Variants in CNTFR observed in about 807,000 individuals in gnomAD.
CNTFR encodes the protein ciliary neurotrophic factor receptor subunit alpha.
In CNTFR, 12 loss-of-function variants were observed where a neutral mutation model predicts 40.4. That is an observed-to-expected ratio of 0.30 (90% CI 0.19 to 0.48). The LOEUF is 0.48. Ranked by LOEUF, CNTFR falls within the 20% of genes least tolerant of loss-of-function variation. The pLI is 0.99. For missense variants in CNTFR, 414 were observed against 506.8 expected (o/e 0.82, Z 1.76); for synonymous variants, 202 against 209.6 (o/e 0.96, Z 0.31).
intron 4 of CNTFR, among the ~76,000 whole-genome samples, chr9:34,562,992 C>A (rs1190052465): frequency 7.2e-5 from 11 of 152,046 alleles, no homozygotes; most frequent in African/African-American, 2.7e-4. Context: ...TCTGGGTCCT[C>A]TTCTCTCTTC....
chr9:34,580,444 C>T (rs945518107), intron 2 of CNTFR, among the ~76,000 whole-genome samples: 1 of 152,160 alleles, frequency 6.6e-6, no homozygotes. Context: ...ACAACCTGGT[C>T]CTAGTTGTGA....
intron 1 of CNTFR, among the ~76,000 whole-genome samples, chr9:34,586,408 G>T (rs1827547724): frequency 6.6e-6 from 1 of 152,178 alleles, no homozygotes; most frequent in Non-Finnish European, 1.5e-5. Context: ...TCTCCCCACA[G>T]ATCTGAGGCT....
At chr9:34,571,697 G>A (rs953179727) in intron 2 of CNTFR, among the ~76,000 whole-genome samples, 2 of 152,158 alleles carry the variant, frequency 1.3e-5, no homozygotes, top group Admixed American at 1.3e-4. Flanking sequence ...GCAGCCACGG[G>A]AGACGGGTGC....
Position 34,551,907 on chromosome 9 carries a change from G to C in CNTFR, c.*164C>G, listed in dbSNP as rs771914609. On this transcript the variant is annotated 3_prime_UTR_variant, in exon 10 of 10. Coordinates refer to ENST00000378980, the MANE Select transcript of CNTFR (RefSeq NM_147164.3). ...GGGCCAGCTTGGTGCGGCAGGGCTG[G>C]GGGGCGGCAGGCCCGGGCCCGCCGG... 5 of 707,572 alleles carry C rather than the reference G, an allele frequency of 7.1e-6. No homozygotes were observed. Among genetic ancestry groups the C allele is most frequent in the African/African-American group, 3.5e-5 (2 of 57,154 alleles). 43.8% of individuals were successfully genotyped at this position (707,572 alleles called of 1,614,324 possible). A position where few individuals can be genotyped will look rare whatever the true frequency, so the allele number is the denominator to read the frequency against.
chr9:34,561,032 G>A (rs1826052395), intron 4 of CNTFR, among the ~76,000 whole-genome samples: 1 of 152,136 alleles, frequency 6.6e-6, no homozygotes. Flanking sequence ...ATCAGGCAGG[G>A]TGGGGCAGGG....
chr9:34,552,116 G>T lies in CNTFR; in HGVS notation c.1118+45C>A. On this transcript the variant is annotated intron_variant, in intron 9 of 9. Coordinates refer to ENST00000378980, the MANE Select transcript of CNTFR (RefSeq NM_147164.3). This position sits in a 1 kb window ranked among gnomAD's most constrained non-coding sequence, Gnocchi z 5.1. ...CCTGTCAGGGAGGGGGCTGGAGTGGGGGTTCCCTCAGGCTCCCTCTGCCAC... is the reference window on the plus strand; with the variant it reads ...CCTGTCAGGGAGGGGGCTGGAGTGGTGGTTCCCTCAGGCTCCCTCTGCCAC... 1 of 1,597,586 alleles carries T rather than the reference G, an allele frequency of 6.3e-7. No individual in the cohort carries two copies. Among genetic ancestry groups the T allele is most frequent in the East Asian group, 2.3e-5 (1 of 44,336 alleles).
At chr9:34,583,901 G>C (rs573653839) in intron 1 of CNTFR, among the ~76,000 whole-genome samples, 3 of 152,244 alleles carry the variant, frequency 2.0e-5, no homozygotes, top group African/African-American at 7.2e-5. Context: ...CTCTGACTCT[G>C]GGCTCCTCTG....
At chr9:34,559,924 C>G (rs117950375) in intron 4 of CNTFR, among the ~76,000 whole-genome samples, 1 of 152,180 alleles carries the variant, frequency 6.6e-6, no homozygotes, top group South Asian at 2.1e-4. Context: ...CCTCAGACCG[C>G]GTCCCCTTCC....
chr9:34,570,442 C>T lies in CNTFR; in HGVS notation c.1-1461G>A, dbSNP rs544896082. On this transcript the variant is annotated intron_variant, in intron 2 of 9. Coordinates refer to ENST00000378980, the MANE Select transcript of CNTFR (RefSeq NM_147164.3). ...GGAGCACAGGCAGTGAAGCCGTCGG[C>T]GACAAAGCCAGAGAGCTAAGACACT... 1.6e-3 allele frequency among the ~76,000 whole-genome samples: 238 copies of T among 152,292 alleles called. 1 individual carries two copies. Among genetic ancestry groups the T allele is most frequent in the South Asian group, 3.7e-3 (18 of 4,818 alleles).
intron 7 of CNTFR, among the ~76,000 whole-genome samples, chr9:34,555,393 G>A (rs1049446826): frequency 2.0e-5 from 3 of 152,064 alleles, no homozygotes; most frequent in Admixed American, 2.0e-4. Flanking sequence ...ACCAGCCTGG[G>A]TTGTCCCATG....
intron 2 of CNTFR, among the ~76,000 whole-genome samples, chr9:34,572,434 TGCAAATTA>T (rs1826708854): frequency 6.6e-6 from 1 of 152,128 alleles, no homozygotes; most frequent in South Asian, 2.1e-4. Context: ...ATAAGGGCTC[TGCAAATTA>T]GCCCAGGATT....
chr9:34,574,252 T>C (rs1415851224), intron 2 of CNTFR, among the ~76,000 whole-genome samples: 1 of 152,122 alleles, frequency 6.6e-6, no homozygotes, highest in African/African-American at 2.4e-5. Context: ...TGGGGCCGGC[T>C]AGCCATGGGC....
At chr9:34,569,356 T>C (rs1449030664) in intron 2 of CNTFR, among the ~76,000 whole-genome samples, 2 of 152,212 alleles carry the variant, frequency 1.3e-5, no homozygotes, top group Admixed American at 1.3e-4. Flanking sequence ...CTACACAATG[T>C]TGTCAACTGC....
chr9:34,571,524 GCA>G (rs1186412590), intron 2 of CNTFR: 2 of 151,912 alleles, frequency 1.3e-5, no homozygotes, highest in East Asian at 3.9e-4. Flanking sequence ...GTCCACACAA[GCA>G]CACACTCCCA....
At position 34,552,339 on chromosome 9, in the gene CNTFR, A is replaced by G; in HGVS notation, c.950-10T>C. On this transcript the variant is annotated splice_polypyrimidine_tract_variant and intron_variant, in intron 8 of 9. Transcript: ENST00000378980. The surrounding 1 kb of genome is among the most constrained non-coding windows in gnomAD (Gnocchi z 5.1). ...GTGCTGGTCGTGGTCTCTGGGGAAC[A>G]TGGGGGAAACTCAGGGCAAGGCCAG... is the stretch of plus-strand genomic sequence containing the variant. 2 of 1,534,134 alleles carry G rather than the reference A, an allele frequency of 1.3e-6. No homozygotes were observed. The highest frequency in any genetic ancestry group is 2.4e-5 in the South Asian group (2 of 83,650).
At chr9:34,565,805 CAG>C (rs998909054) in intron 3 of CNTFR, among the ~76,000 whole-genome samples, 47 of 152,256 alleles carry the variant, frequency 3.1e-4, no homozygotes, top group African/African-American at 1.0e-3. Context: ...TGCAGGCACA[CAG>C]AGATAGGGAG....
At chr9:34,565,754 G>A (rs1033245495) in intron 3 of CNTFR, among the ~76,000 whole-genome samples, 1 of 152,198 alleles carries the variant, frequency 6.6e-6, no homozygotes, top group Non-Finnish European at 1.5e-5. Flanking sequence ...CAGGCAGCAC[G>A]AAGTGGGGGA....
chr9:34,579,307 C>T (rs975702269), intron 2 of CNTFR, among the ~76,000 whole-genome samples: 3 of 152,158 alleles, frequency 2.0e-5, no homozygotes, highest in African/African-American at 7.2e-5. Flanking sequence ...TCCTCCCCCT[C>T]CTCCCTCCCT....
chr9:34,555,267 G>A (rs981271618), intron 7 of CNTFR, among the ~76,000 whole-genome samples: 1 of 152,184 alleles, frequency 6.6e-6, no homozygotes, highest in Admixed American at 6.5e-5. Flanking sequence ...AGGCTTTGTG[G>A]GGGACAGGCA....
Sources: allele counts gnomAD v4.1 joint callset (sites outside exome capture counted in the v4.1 genomes callset), GRCh38; gene constraint gnomAD v4.1.1; non-coding constraint Gnocchi (gnomAD v3.1); transcripts MANE v1.5; gene names NCBI Gene and HGNC (gene_info 2026-07-23, HGNC 2026-07-21).